FRMD1: variants seen among roughly 807,000 people sequenced by gnomAD.
FRMD1 encodes FERM domain-containing protein 1.
FRMD1 carries 51 observed loss-of-function variants against 54.9 expected under a neutral mutation model. The ratio of observed to expected loss-of-function variants is 0.93; its 90% CI spans 0.74 to 1.17. The LOEUF is 1.17. FRMD1 is among the 50% of genes most tolerant of loss of function. FRMD1 has a pLI of 0.00. For synonymous variants in FRMD1, 324 were observed against 306.4 expected, an observed-to-expected ratio of 1.06 and a Z score of -0.60; for missense variants, 729 against 743.0, an observed-to-expected ratio of 0.98 and a Z score of 0.22.
At chr6:168,079,333 C>A (rs886699887), upstream of FRMD1, among the ~76,000 whole-genome samples, 1 of 152,208 alleles carries the variant, frequency 6.6e-6, no homozygotes, top group Non-Finnish European at 1.5e-5. Flanking sequence ...GCTGGGCACC[C>A]GCCATGCAGC....
upstream of FRMD1, among the ~76,000 whole-genome samples, chr6:168,082,446 G>T (rs536648096): frequency 1.1e-4 from 16 of 152,322 alleles, no homozygotes; most frequent in South Asian, 2.5e-3. Flanking sequence ...GCTGGAAGGA[G>T]CCCAGGGGTG....
rs139855032 is a variant in FRMD1, at chr6:168,064,928, G to A, written c.591C>T (p.His197=). The A allele has an allele frequency of 2.1e-5, 34 of 1,607,520 alleles. No individual in the cohort carries two copies. The highest frequency in any genetic ancestry group is 1.3e-4 in the African/African-American group (10 of 74,828). ...ACCTCCCGGCATGGGCCGACTCCCG[G>A]TGCTCGCCCAGGTCAGCCTGCAGCG... ...ACALQADLGE[H]RESAHAGRYF... is the part of the protein sequence containing the mutation. Residue 197 remains histidine (H), a synonymous_variant, in exon 5 of 11, where the codon CAC becomes CAT. Coordinates refer to ENST00000283309, the MANE Select transcript of FRMD1 (RefSeq NM_024919.6).
Position 168,067,715 on chromosome 6 carries a change from GC to G in FRMD1, c.305-270del, listed in dbSNP as rs1800115708. ...TATTCAAAACTGGCACATGCTCCGG[GC>G]ACGCCCTTTGGGAAAGCAACTTAGC... On this transcript the variant is annotated intron_variant, in intron 2 of 10. Coordinates refer to ENST00000283309, the MANE Select transcript of FRMD1 (RefSeq NM_024919.6). Among the ~76,000 whole-genome samples the G allele has an allele frequency of 2.0e-5, 3 of 152,344 alleles. No homozygotes were observed. The South Asian group carries it at 6.2e-4, about 32-fold the overall frequency.
At chr6:168,067,247 C>T (rs1800085020) in intron 3 of FRMD1, 120 bp downstream of exon 3, 2 of 704,916 alleles carry the variant, frequency 2.8e-6, no homozygotes, top group South Asian at 3.2e-5. Flanking sequence ...CCAACCCACG[C>T]ATCCCCGCGG....
chr6:168,072,401 C>T (rs1461899650), intron 2 of FRMD1, among the ~76,000 whole-genome samples: 4 of 152,350 alleles, frequency 2.6e-5, no homozygotes, highest in East Asian at 1.9e-4. Context: ...GGTCGCCTTG[C>T]GAACCACGTC....
intron 1 of FRMD1, among the ~76,000 whole-genome samples, chr6:168,091,593 C>T (rs6455482): frequency 0.8 from 121,374 of 152,174 alleles, 48,488 homozygotes; most frequent in Middle Eastern, 0.86. Context: ...ATGCAGAAAC[C>T]CTGGGAGAGG....
At chr6:168,067,263 C>T (rs1335131056) in intron 3 of FRMD1, 104 bp downstream of exon 3, 1 of 774,028 alleles carries the variant, frequency 1.3e-6, no homozygotes, top group South Asian at 1.6e-5. Context: ...CGCGGTCCCC[C>T]ACAGCCCACC....
At chr6:168,076,493 A>G (rs1192233629) in intron 1 of FRMD1, among the ~76,000 whole-genome samples, 1 of 152,188 alleles carries the variant, frequency 6.6e-6, no homozygotes, top group East Asian at 1.9e-4. Flanking sequence ...TGGTTCCCCC[A>G]TCCAGTTCTC....
Position 168,059,205 on chromosome 6 carries a change from C to T in FRMD1, c.1343-17G>A. 6.4e-7 allele frequency: 1 copy of T among 1,571,648 alleles called. No individual in the cohort carries two copies. On this transcript the variant is annotated splice_polypyrimidine_tract_variant and intron_variant, in intron 9 of 10. Coordinates refer to ENST00000283309, the MANE Select transcript of FRMD1 (RefSeq NM_024919.6). This position sits in a 1 kb window ranked among gnomAD's most constrained non-coding sequence, Gnocchi z 4.4. Reference sequence around the variant, plus strand: ...GACGAGTGGCTGTGGGAGGAGGCAGCCGTGAGCACAGGTGTCTGGGTTCTG... The same window carrying T: ...GACGAGTGGCTGTGGGAGGAGGCAGTCGTGAGCACAGGTGTCTGGGTTCTG...
rs117970571 is a variant in FRMD1 at position 168,057,554 on chromosome 6, C to T, written c.1408-215G>A. The stretch of plus-strand genomic sequence containing the variant: ...TCCTTTGATGCATTTCAGGAGGCCC[C>T]CACCTTGCCCAGCTTCTTTCCTGGG... On this transcript the variant is annotated intron_variant, in intron 10 of 10. Transcript: ENST00000283309. 7.2e-3 allele frequency: 4,438 copies of T among 619,360 alleles called. 20 individuals are homozygous for T. The highest frequency in any genetic ancestry group is 9.1e-3 in the Non-Finnish European group (3,332 of 366,970). The allele number at this position is 619,360 out of a possible 1,614,324, so 38.4% of individuals were successfully genotyped here. A position where few individuals can be genotyped will look rare whatever the true frequency, so the allele number is the denominator to read the frequency against.
At chr6:168,058,083 C>A (rs985038092) in intron 10 of FRMD1, among the ~76,000 whole-genome samples, 5 of 152,268 alleles carry the variant, frequency 3.3e-5, no homozygotes, top group African/African-American at 1.2e-4. Context: ...GGGATTGCCC[C>A]CACTGGGATG....
At position 168,055,772 on chromosome 6, in the gene FRMD1, C is replaced by T. The variant is rs1459791549; in HGVS notation, c.*1325G>A. The T allele has an allele frequency of 6.6e-6, 1 of 152,182 alleles. No individual in the cohort carries two copies. The highest frequency in any genetic ancestry group is 2.4e-5 in the African/African-American group (1 of 41,444). 9.4% of individuals were successfully genotyped at this position (152,182 alleles called of 1,614,324 possible). A position where few individuals can be genotyped will look rare whatever the true frequency, so the allele number is the denominator to read the frequency against. On this transcript the variant is annotated 3_prime_UTR_variant, in exon 11 of 11. Transcript: ENST00000283309. ...AGTTACAGCCGGCATCTCACCAGCC[C>T]CCCAGGCAGGCTGGTCCTGGTTCAA...
intron 4 of FRMD1, chr6:168,066,091 C>T (rs966178427): frequency 1.5e-4 from 147 of 996,452 alleles, no homozygotes; most frequent in East Asian, 5.7e-4. Flanking sequence ...CAGTGAACAG[C>T]GAGAACCGCC....
chr6:168,065,412 C>T (rs1799978724), intron 4 of FRMD1: 2 of 1,043,010 alleles, frequency 1.9e-6, no homozygotes, highest in Non-Finnish European at 2.3e-6. Context: ...GTGCACAGGG[C>T]CTGGACAACT....
chr6:168,079,246 C>G, upstream of FRMD1: 2 of 1,383,514 alleles, frequency 1.4e-6, no homozygotes, highest in South Asian at 3.1e-5. Context: ...TCCAGCATGG[C>G]CAAGCCAGGA....
At chr6:168,063,490 G>A (rs375862906) in intron 6 of FRMD1, 111 bp downstream of exon 6, 2 of 1,268,502 alleles carry the variant, frequency 1.6e-6, no homozygotes. Flanking sequence ...TAGCCATGGG[G>A]GCTCCATCCA....
At chr6:168,067,256 G>A (rs577504529) in intron 3 of FRMD1, 111 bp downstream of exon 3, 6 of 729,942 alleles carry the variant, frequency 8.2e-6, no homozygotes, top group South Asian at 4.8e-5. Context: ...GCATCCCCGC[G>A]GTCCCCCACA....
chr6:168,062,896 G>A lies in FRMD1; in HGVS notation c.868C>T (p.Gln290Ter). Residue 290 changes from glutamine (Q) to a stop codon, truncating the protein, a stop_gained and splice_region_variant, in exon 7 of 11, where the codon CAG (glutamine) becomes TAG (stop). Coordinates refer to ENST00000283309, the MANE Select transcript of FRMD1 (RefSeq NM_024919.6). LOFTEE classifies it high-confidence loss of function. ...GAGGCTGGAGCCCCTTCGGTCACCT[G>A]GTAGATGTGCACTCCCCTGAGGGCC... Reference protein sequence around the residue: ...GLALRGVHIYQGKKLEIQLDG... With the variant: ...GLALRGVHIY 1.2e-6 allele frequency: 2 copies of A among 1,613,716 alleles called. No individual in the cohort carries two copies. Among genetic ancestry groups the A allele is most frequent in the Non-Finnish European group, 1.7e-6 (2 of 1,179,624 alleles).
At chr6:168,065,776 C>T (rs1199086492) in intron 4 of FRMD1, 4 of 995,266 alleles carry the variant, frequency 4.0e-6, no homozygotes, top group East Asian at 1.1e-4. Flanking sequence ...ACGCCCCTCA[C>T]CCCCTAGAAC....
Sources: allele counts gnomAD v4.1 joint callset (sites outside exome capture counted in the v4.1 genomes callset), GRCh38; gene constraint gnomAD v4.1.1; non-coding constraint Gnocchi (gnomAD v3.1); transcripts MANE v1.5; gene names NCBI Gene and HGNC (gene_info 2026-07-23, HGNC 2026-07-21).